PCP4L1: variants seen among roughly 807,000 people sequenced by gnomAD.
The protein encoded by PCP4L1 is Purkinje cell protein 4 like 1, also known as Purkinje cell protein 4-like protein 1.
PCP4L1 carries 9 observed loss-of-function variants against 9.6 expected under a neutral mutation model. That is an observed-to-expected ratio of 0.94 (90% CI 0.57 to 1.64). The LOEUF is 1.64. Ranked by LOEUF, PCP4L1 falls within the 40% of genes most tolerant of loss-of-function variation. PCP4L1 has a pLI of 0.00. For synonymous variants in PCP4L1, 31 were observed against 28.2 expected (o/e 1.10, Z -0.31); for missense variants, 81 against 80.8 (o/e 1.00, Z -0.01).
intron 1 of PCP4L1, among the ~76,000 whole-genome samples, chr1:161,279,664 C>T (rs1337653175): frequency 6.6e-6 from 1 of 152,174 alleles, no homozygotes; most frequent in African/African-American, 2.4e-5. Flanking sequence ...TATGAAAGCA[C>T]CCAGTTTTTG....
chr1:161,269,576 T>C (rs1407624259), intron 1 of PCP4L1, among the ~76,000 whole-genome samples: 2 of 152,142 alleles, frequency 1.3e-5, no homozygotes, highest in African/African-American at 2.4e-5. Context: ...GAATTAATGA[T>C]ACAAAAAGGA....
At chr1:161,261,083 C>T in intron 1 of PCP4L1, among the ~76,000 whole-genome samples, 1 of 152,158 alleles carries the variant, frequency 6.6e-6, no homozygotes. Context: ...TGCTTCATTT[C>T]TCTCAGGCCA....
chr1:161,269,397 C>G (rs967525204), intron 1 of PCP4L1, among the ~76,000 whole-genome samples: 17 of 152,110 alleles, frequency 1.1e-4, no homozygotes, highest in Non-Finnish European at 2.2e-4. Context: ...CTTCTGAATC[C>G]CTTTTCCACA....
At chr1:161,276,260 G>A (rs1277561261) in intron 1 of PCP4L1, among the ~76,000 whole-genome samples, 3 of 152,136 alleles carry the variant, frequency 2.0e-5, no homozygotes, top group African/African-American at 7.2e-5. Flanking sequence ...TAACAACTGG[G>A]TCAGTCTCCT....
intron 1 of PCP4L1, 132 bp downstream of exon 1, chr1:161,259,115 C>A (rs1265799852): frequency 1.2e-5 from 16 of 1,306,502 alleles, no homozygotes; most frequent in South Asian, 1.5e-5. Context: ...CGCCCCACTG[C>A]CCTCCTAGGA....
At chr1:161,269,817 G>A (rs1464005604) in intron 1 of PCP4L1, among the ~76,000 whole-genome samples, 1 of 151,774 alleles carries the variant, frequency 6.6e-6, no homozygotes, top group Non-Finnish European at 1.5e-5. Context: ...TGGGCAACAT[G>A]GCAAAAACCC....
chr1:161,275,072 G>A (rs1669676792), intron 1 of PCP4L1, among the ~76,000 whole-genome samples: 1 of 152,130 alleles, frequency 6.6e-6, no homozygotes, highest in Non-Finnish European at 1.5e-5. Flanking sequence ...GTGATCTCCA[G>A]AGAGACTTGG....
intron 1 of PCP4L1, among the ~76,000 whole-genome samples, chr1:161,270,586 A>C (rs1185392246): frequency 6.6e-6 from 1 of 150,924 alleles, no homozygotes. Flanking sequence ...AAAAAGAGAG[A>C]CCCCAGGCTA....
chr1:161,266,071 T>C (rs997970678), intron 1 of PCP4L1, among the ~76,000 whole-genome samples: 17 of 152,206 alleles, frequency 1.1e-4, no homozygotes, highest in African/African-American at 3.6e-4. Flanking sequence ...TCTGCATCCC[T>C]GAAAGGTGCC....
Position 161,258,812 on chromosome 1 carries a change from G to A in PCP4L1, c.-163G>A, listed in dbSNP as rs1036965670. The stretch of plus-strand genomic sequence containing the variant: ...GAGCTGGGCTCCGAGAATCCCGGGT[G>A]CCAGCACCAGAGCAGCGGCTCTCCG... On this transcript the variant is annotated 5_prime_UTR_variant, in exon 1 of 3. Transcript: ENST00000504449. The A allele has an allele frequency of 2.8e-5, 31 of 1,112,278 alleles. No homozygotes were observed. The African/African-American group carries it at 3.3e-4, about 12-fold the overall frequency. 68.9% of individuals were successfully genotyped at this position (1,112,278 alleles called of 1,614,324 possible).
chr1:161,283,528 C>A, intron 1 of PCP4L1, 140 bp from the exon 2 acceptor site: 1 of 728,980 alleles, frequency 1.4e-6, no homozygotes, highest in Non-Finnish European at 2.2e-6. Context: ...GGTCTCTGAT[C>A]TCAAGACTTG....
chr1:161,263,515 G>A (rs2102231052), intron 1 of PCP4L1, among the ~76,000 whole-genome samples: 1 of 152,200 alleles, frequency 6.6e-6, no homozygotes, highest in East Asian at 1.9e-4. Flanking sequence ...TGGGATTACA[G>A]GGGTGAGCCA....
chr1:161,283,870 T>C (rs999218858), intron 2 of PCP4L1, 148 bp downstream of exon 2: 3 of 752,804 alleles, frequency 4.0e-6, no homozygotes, highest in Non-Finnish European at 6.5e-6. Flanking sequence ...GGAACTACAG[T>C]ACTATATCTA....
At position 161,284,605 on chromosome 1, in the gene PCP4L1, C is replaced by T; in HGVS notation, c.*124C>T. 7.7e-7 allele frequency: 1 copy of T among 1,294,216 alleles called. No homozygotes were observed. Among genetic ancestry groups the T allele is most frequent in the Non-Finnish European group, 1.1e-6 (1 of 947,740 alleles). The allele number at this position is 1,294,216 out of a possible 1,614,324, so 80.2% of individuals were successfully genotyped here. A position where few individuals can be genotyped will look rare whatever the true frequency, so the allele number is the denominator to read the frequency against. On this transcript the variant is annotated 3_prime_UTR_variant, in exon 3 of 3. Transcript: ENST00000504449. ...TTGAGGCAAGTTCAACCTTTATATA[C>T]TCTTGTATCTGGCCCCCTCAAGCCA...
intron 1 of PCP4L1, among the ~76,000 whole-genome samples, chr1:161,274,046 A>G (rs1276631765): frequency 6.6e-6 from 1 of 152,154 alleles, no homozygotes; most frequent in Non-Finnish European, 1.5e-5. Context: ...CTCAACTTCA[A>G]TTTCCTTCTC....
At chr1:161,262,293 G>A (rs988262148) in intron 1 of PCP4L1, among the ~76,000 whole-genome samples, 3 of 151,912 alleles carry the variant, frequency 2.0e-5, no homozygotes, top group Non-Finnish European at 2.9e-5. Context: ...AATTAGCCAG[G>A]CATGGTGGCA....
intron 1 of PCP4L1, among the ~76,000 whole-genome samples, chr1:161,265,285 C>G (rs1379799411): frequency 6.6e-6 from 1 of 152,188 alleles, no homozygotes; most frequent in South Asian, 2.1e-4. Context: ...TATCCCAGCA[C>G]TTTGGAAGGC....
At chr1:161,276,801 T>C (rs771642288) in intron 1 of PCP4L1, among the ~76,000 whole-genome samples, 1 of 151,746 alleles carries the variant, frequency 6.6e-6, no homozygotes, top group Non-Finnish European at 1.5e-5. Context: ...AACACATATG[T>C]ATCTTACACA....
At chr1:161,264,976 G>C (rs766130180) in intron 1 of PCP4L1, among the ~76,000 whole-genome samples, 1 of 152,180 alleles carries the variant, frequency 6.6e-6, no homozygotes, top group Non-Finnish European at 1.5e-5. Flanking sequence ...CCATCATTAC[G>C]CAGGATGCCT....
Sources: allele counts gnomAD v4.1 joint callset (sites outside exome capture counted in the v4.1 genomes callset), GRCh38; gene constraint gnomAD v4.1.1; transcripts MANE v1.5; gene names NCBI Gene and HGNC (gene_info 2026-07-23, HGNC 2026-07-21).